The following ERGIC1 variants were observed in gnomAD, a reference collection of about 807,000 sequenced individuals.
ERGIC1 encodes the protein endoplasmic reticulum-Golgi intermediate compartment protein 1.
ERGIC1 carries 19 observed loss-of-function variants against 38.3 expected under a neutral mutation model. That is an observed-to-expected ratio of 0.50 (90% CI 0.35 to 0.73). The LOEUF is 0.73. ERGIC1 is among the 30% of genes least tolerant of loss of function. ERGIC1 has a pLI of 0.01. For synonymous variants in ERGIC1, 124 were observed against 157.6 expected (o/e 0.79, Z 1.60); for missense variants, 294 against 389.2 (o/e 0.76, Z 2.06).
Position 172,950,706 on chromosome 5 carries a change from C to T in ERGIC1, c.766-3C>T. 6.2e-7 allele frequency: 1 copy of T among 1,610,468 alleles called. No individual in the cohort carries two copies. Among genetic ancestry groups the T allele is most frequent in the South Asian group, 1.1e-5 (1 of 90,730 alleles). ...CTCCCACCCCACCCCTGCCCTCTTG[C>T]AGATCTGTGCCATCATTGGCGGGAC... On this transcript the variant is annotated splice_region_variant and splice_polypyrimidine_tract_variant and intron_variant, in intron 9 of 9. Transcript: ENST00000393784.
intron 3 of ERGIC1, among the ~76,000 whole-genome samples, chr5:172,902,387 A>T (rs1467971715): frequency 6.6e-6 from 1 of 152,206 alleles, no homozygotes; most frequent in African/African-American, 2.4e-5. Context: ...GGCTGGGTAG[A>T]GGGCCCCAGG....
rs932655824 is a variant in ERGIC1 at position 172,846,135 on chromosome 5, G to A, written c.20+11702G>A. On this transcript the variant is annotated intron_variant, in intron 1 of 9. Coordinates refer to ENST00000393784, the MANE Select transcript of ERGIC1 (RefSeq NM_001031711.3). The surrounding 1 kb of genome is among the most constrained non-coding windows in gnomAD (Gnocchi z 4.0). Reference sequence around the variant, plus strand: ...TCCATGGCATCCATTTGACCTCTCTGGCGATGTCGGCCTTCAGTACCTGGT... The same window carrying A: ...TCCATGGCATCCATTTGACCTCTCTAGCGATGTCGGCCTTCAGTACCTGGT... Among the ~76,000 whole-genome samples the A allele has an allele frequency of 6.6e-6, 1 of 152,174 alleles. No homozygotes were observed. The highest frequency in any genetic ancestry group is 6.5e-5 in the Admixed American group (1 of 15,282).
rs913233199 is a variant in ERGIC1, at chr5:172,891,907, T to C, written c.82+3147T>C. On this transcript the variant is annotated intron_variant, in intron 2 of 9. Coordinates refer to ENST00000393784, the MANE Select transcript of ERGIC1 (RefSeq NM_001031711.3). ...TTTCCAGCTGTGTCACATTCTGTTA[T>C]CTGGCTGACCTACGGGGCCTGTGGC... Among the ~76,000 whole-genome samples the C allele has an allele frequency of 9.2e-5, 14 of 152,326 alleles. No homozygotes were observed. In the South Asian group the frequency reaches 2.7e-3, roughly 29 times the overall value.
chr5:172,902,794 C>T (rs949378772), intron 3 of ERGIC1, among the ~76,000 whole-genome samples: 19 of 152,062 alleles, frequency 1.2e-4, no homozygotes, highest in African/African-American at 4.3e-4. Flanking sequence ...CAGGCCTCAC[C>T]GCCGCCTAAG....
chr5:172,919,033 C>G (rs995460970), intron 5 of ERGIC1, among the ~76,000 whole-genome samples: 1 of 152,320 alleles, frequency 6.6e-6, no homozygotes, highest in Admixed American at 6.5e-5. Flanking sequence ...TGCTATTGAG[C>G]ATCCACCTCA....
chr5:172,870,192 T>C (rs774337027), intron 1 of ERGIC1, among the ~76,000 whole-genome samples: 1 of 152,270 alleles, frequency 6.6e-6, no homozygotes, highest in Non-Finnish European at 1.5e-5. Flanking sequence ...GTGTTTCCTT[T>C]GCTTTGCGTA....
chr5:172,901,449 C>T (rs527749595), intron 3 of ERGIC1, among the ~76,000 whole-genome samples: 11 of 152,258 alleles, frequency 7.2e-5, no homozygotes, highest in Admixed American at 5.9e-4. Context: ...AATTATTAAC[C>T]TCATGAGGAT....
intron 3 of ERGIC1, among the ~76,000 whole-genome samples, chr5:172,907,427 G>A (rs1351843560): frequency 2.6e-5 from 4 of 152,124 alleles, no homozygotes; most frequent in Admixed American, 2.0e-4. Context: ...GCATGGTGGC[G>A]CATGCCAGTA....
chr5:172,932,412 C>T (rs772648299), intron 7 of ERGIC1, 24 bp from the exon 8 acceptor site: 27 of 1,612,602 alleles, frequency 1.7e-5, no homozygotes, highest in Non-Finnish European at 2.3e-5. Flanking sequence ...CCCCCTGCTT[C>T]ATTCTGCTGT....
At position 172,837,234 on chromosome 5, in the gene ERGIC1, A is replaced by G. The variant is rs185765710; in HGVS notation, c.20+2801A>G. Among the ~76,000 whole-genome samples the G allele has an allele frequency of 3.9e-5, 6 of 152,192 alleles. No homozygotes were observed. Among genetic ancestry groups the G allele is most frequent in the Non-Finnish European group, 8.8e-5 (6 of 68,036 alleles). ...CTTACTGCCTGTAGAGCCTGGTGCAACTGAGTTCTGTGTTTTCCTGTCTGT... is the reference window on the plus strand; with the variant it reads ...CTTACTGCCTGTAGAGCCTGGTGCAGCTGAGTTCTGTGTTTTCCTGTCTGT... On this transcript the variant is annotated intron_variant, in intron 1 of 9. Coordinates refer to ENST00000393784, the MANE Select transcript of ERGIC1 (RefSeq NM_001031711.3). The surrounding 1 kb of genome is among the most constrained non-coding windows in gnomAD (Gnocchi z 4.3).
At chr5:172,845,723 A>T (rs1006455429) in intron 1 of ERGIC1, among the ~76,000 whole-genome samples, 44 of 152,160 alleles carry the variant, frequency 2.9e-4, no homozygotes, top group Admixed American at 9.2e-4. Context: ...GACACCCTAC[A>T]TCCATTCCGC....
chr5:172,835,486 G>A (rs1381911502), intron 1 of ERGIC1, among the ~76,000 whole-genome samples: 3 of 152,096 alleles, frequency 2.0e-5, no homozygotes, highest in African/African-American at 4.8e-5. Flanking sequence ...CCTTAGCAGA[G>A]TCTGGCATGA....
At chr5:172,940,392 A>C (rs1188503870) in intron 9 of ERGIC1, among the ~76,000 whole-genome samples, 1 of 152,144 alleles carries the variant, frequency 6.6e-6, no homozygotes, top group East Asian at 1.9e-4. Context: ...GTTTGACGAC[A>C]TGCAAGTAAT....
intron 5 of ERGIC1, among the ~76,000 whole-genome samples, chr5:172,919,901 G>C (rs1763466936): frequency 6.6e-6 from 1 of 152,176 alleles, no homozygotes; most frequent in African/African-American, 2.4e-5. Context: ...CCGCGTTATG[G>C]CTGCCACGTA....
chr5:172,913,090 CACA>C (rs1763249193), intron 4 of ERGIC1, among the ~76,000 whole-genome samples: 1 of 152,214 alleles, frequency 6.6e-6, no homozygotes, highest in Non-Finnish European at 1.5e-5. Flanking sequence ...CTTTAACCCT[CACA>C]ACAAGCCTGT....
chr5:172,908,314 G>C (rs1453578999), intron 3 of ERGIC1, among the ~76,000 whole-genome samples: 1 of 24,746 alleles, frequency 4.0e-5, no homozygotes, highest in African/African-American at 1.6e-4. Flanking sequence ...GGCGGGGGGG[G>C]GGGGAGAGAG....
In ERGIC1 at chr5:172,935,281, C is replaced by T. The variant is rs774919836; in HGVS notation, c.736C>T (p.Arg246Trp). ...CATCACGGTCAAGTACACAGAGAGACGGCAGCCGCTGTACAGATTCATCAC... is the reference window on the plus strand; with the variant it reads ...CATCACGGTCAAGTACACAGAGAGATGGCAGCCGCTGTACAGATTCATCAC... ...SPITVKYTER[R>W]QPLYRFITTI... The change falls in exon 9 of 10, where the codon CGG becomes TGG. Residue 246 changes from arginine to tryptophan, a missense_variant. By Grantham distance (101) the Arg-to-Trp change is moderately radical. Coordinates refer to ENST00000393784, the MANE Select transcript of ERGIC1 (RefSeq NM_001031711.3). The T allele has an allele frequency of 3.1e-5, 50 of 1,614,022 alleles. No individual in the cohort carries two copies. Among genetic ancestry groups the T allele is most frequent in the Non-Finnish European group, 4.2e-5 (49 of 1,180,050 alleles).
intron 4 of ERGIC1, 114 bp from the exon 5 acceptor site, chr5:172,914,600 C>T: frequency 6.3e-7 from 1 of 1,578,584 alleles, no homozygotes; most frequent in Non-Finnish European, 8.6e-7. Flanking sequence ...CTGGAGGTCC[C>T]CAGCCCGGCC....
At chr5:172,924,159 G>A in intron 6 of ERGIC1, 50 bp downstream of exon 6, 1 of 1,553,148 alleles carries the variant, frequency 6.4e-7, no homozygotes. Context: ...GCCTTCAGGG[G>A]CTCTGTCACC....
Sources: gnomAD v4.1 joint callset for allele counts (sites outside exome capture counted in the v4.1 genomes callset) on GRCh38, gnomAD v4.1.1 for gene constraint, Gnocchi (gnomAD v3.1) non-coding constraint, MANE v1.5 for transcripts, NCBI Gene and HGNC (gene_info 2026-07-23, HGNC 2026-07-21) for gene names.